VSTM4: variants seen among roughly 807,000 people sequenced by gnomAD.
VSTM4 encodes the protein V-set and transmembrane domain-containing protein 4.
VSTM4 carries 20 observed loss-of-function variants against 36.4 expected under a neutral mutation model. The ratio of observed to expected loss-of-function variants is 0.55; its 90% CI spans 0.39 to 0.80. VSTM4 has a LOEUF of 0.80. Among genes scored for constraint, VSTM4 ranks in the 30% least tolerant of loss-of-function variants. VSTM4 has a pLI of 0.00. For missense variants in VSTM4, 392 were observed against 404.5 expected, an observed-to-expected ratio of 0.97 and a Z score of 0.26; for synonymous variants, 182 against 173.9, an observed-to-expected ratio of 1.05 and a Z score of -0.37.
intron 2 of VSTM4, among the ~76,000 whole-genome samples, chr10:49,096,492 C>A (rs1461996330): frequency 6.6e-6 from 1 of 152,158 alleles, no homozygotes. Context: ...CAAATTGCTT[C>A]TATTATTAGC....
chr10:49,075,190 C>T (rs1003041164), intron 4 of VSTM4, among the ~76,000 whole-genome samples: 5 of 152,238 alleles, frequency 3.3e-5, no homozygotes, highest in Non-Finnish European at 7.3e-5. Context: ...GAGGAGGATG[C>T]CAGGTGCTTG....
chr10:49,084,108 AT>A (rs777169177), intron 3 of VSTM4, among the ~76,000 whole-genome samples: 55 of 152,210 alleles, frequency 3.6e-4, no homozygotes, highest in Non-Finnish European at 5.9e-4. Context: ...GGTTGCCTCA[AT>A]TTTACTAAAT....
rs3810952 is a variant in VSTM4, at chr10:49,019,514, C to A, written c.*136G>T. On this transcript the variant is annotated 3_prime_UTR_variant, in exon 8 of 8. Coordinates refer to ENST00000332853, the MANE Select transcript of VSTM4 (RefSeq NM_001031746.5). ...AGGCTTGTACCTCTTCAAAGGCACC[C>A]AGAATGCTGCTGAAAAGGGGCTCCC... The A allele has an allele frequency of 1.9e-5, 25 of 1,307,100 alleles. No individual in the cohort carries two copies. The highest frequency in any genetic ancestry group is 5.3e-5 in the Admixed American group (2 of 37,824). The allele number at this position is 1,307,100 out of a possible 1,614,324, so 81.0% of individuals were successfully genotyped here.
At chr10:49,064,807 A>G (rs1456796256) in intron 4 of VSTM4, 71 bp from the exon 5 acceptor site, 3 of 1,530,194 alleles carry the variant, frequency 2.0e-6, no homozygotes, top group African/African-American at 1.4e-5. Context: ...AGGAATTACA[A>G]GGAAATGCCG....
In VSTM4 at chr10:49,032,046, C is replaced by A. The variant is rs1000352860; in HGVS notation, c.838-12271G>T. ...GTCCTCCCCATTGAATACAGCCCCCCACCCCCAGCTCCCCTTGCCCTGTTC... is the reference window on the plus strand; with the variant it reads ...GTCCTCCCCATTGAATACAGCCCCCAACCCCCAGCTCCCCTTGCCCTGTTC... On this transcript the variant is annotated intron_variant, in intron 7 of 7. Coordinates refer to ENST00000332853, the MANE Select transcript of VSTM4 (RefSeq NM_001031746.5). 2.0e-5 allele frequency among the ~76,000 whole-genome samples: 3 copies of A among 152,164 alleles called. No homozygotes were observed. The South Asian group carries it at 6.2e-4, about 32-fold the overall frequency.
intron 7 of VSTM4, among the ~76,000 whole-genome samples, chr10:49,039,692 C>T (rs919819108): frequency 6.6e-6 from 1 of 152,102 alleles, no homozygotes; most frequent in African/African-American, 2.4e-5. Flanking sequence ...CATGGAAGAG[C>T]CTATCCAAGT....
chr10:49,050,110 T>C (rs1233362499), intron 5 of VSTM4, among the ~76,000 whole-genome samples: 1 of 152,190 alleles, frequency 6.6e-6, no homozygotes, highest in East Asian at 1.9e-4. Flanking sequence ...GGGTCATCTG[T>C]ATAAAGACGA....
chr10:49,091,873 C>T (rs547298579), intron 2 of VSTM4, among the ~76,000 whole-genome samples: 1 of 152,374 alleles, frequency 6.6e-6, no homozygotes, highest in South Asian at 2.1e-4. Context: ...TAAATTGCAA[C>T]TCTAGGCTAT....
chr10:49,079,872 C>G (rs1276396718), intron 3 of VSTM4, among the ~76,000 whole-genome samples: 2 of 152,136 alleles, frequency 1.3e-5, no homozygotes, highest in African/African-American at 4.8e-5. Context: ...ATTTGGTATA[C>G]TTTATGATGA....
In VSTM4 at chr10:49,077,334, G is replaced by T. The variant is rs765778444; in HGVS notation, c.527-8C>A. The T allele has an allele frequency of 2.7e-5, 44 of 1,613,890 alleles. No individual in the cohort carries two copies. The highest frequency in any genetic ancestry group is 3.6e-5 in the Non-Finnish European group (42 of 1,179,892). ...CAGCATACACATAGAGATCTGAAAG[G>T]CAAGGACAGACACGTGAGTCAGCCT... is the stretch of plus-strand genomic sequence containing the variant. On this transcript the variant is annotated splice_polypyrimidine_tract_variant and splice_region_variant and intron_variant, in intron 3 of 7. Coordinates refer to ENST00000332853, the MANE Select transcript of VSTM4 (RefSeq NM_001031746.5).
At position 49,105,213 on chromosome 10, in the gene VSTM4, CAGAG is replaced by C. The variant is rs376193769; in HGVS notation, c.457+2377_457+2380del. Reference sequence around the variant, plus strand: ...AGAGAGAGAGGGAGAGACAGAGAGACAGAGAGAGAGAGAGAGAGAGAGACAGAGA... The same window carrying C: ...AGAGAGAGAGGGAGAGACAGAGAGACAGAGAGAGAGAGAGAGAGACAGAGA... On this transcript the variant is annotated intron_variant, in intron 2 of 7. Transcript: ENST00000332853. Among the ~76,000 whole-genome samples, 563 of 117,492 alleles carry C rather than the reference CAGAG, an allele frequency of 4.8e-3. 4 individuals carry two copies. The highest frequency in any genetic ancestry group is 0.016 in the African/African-American group (493 of 30,090). 77.1% of individuals were successfully genotyped at this position (117,492 alleles called of 152,430 possible).
chr10:49,035,098 TG>T (rs1232983620), intron 7 of VSTM4, among the ~76,000 whole-genome samples: 2 of 152,086 alleles, frequency 1.3e-5, no homozygotes, highest in African/African-American at 4.8e-5. Flanking sequence ...CCATGACACC[TG>T]GGACCAGGGT....
intron 2 of VSTM4, chr10:49,103,672 TGAG>T: frequency 6.3e-7 from 1 of 1,581,448 alleles, no homozygotes; most frequent in Non-Finnish European, 8.6e-7. Flanking sequence ...GACAGGGAAA[TGAG>T]GAGAGACCAG....
rs1169540754 is a variant in VSTM4 at position 49,110,700 on chromosome 10, C to T, written c.56-2705G>A. Among the ~76,000 whole-genome samples the T allele has an allele frequency of 2.0e-5, 3 of 151,958 alleles. No individual in the cohort carries two copies. The East Asian group carries it at 5.8e-4, about 29-fold the overall frequency. ...TCTTTATAAGAAGAGGAGATAAGAA[C>T]ACAAACACCACAGAGGGAAGACCCT... On this transcript the variant is annotated intron_variant, in intron 1 of 7. Transcript: ENST00000332853.
chr10:49,071,046 C>A (rs932751873), intron 4 of VSTM4, among the ~76,000 whole-genome samples: 2 of 152,204 alleles, frequency 1.3e-5, no homozygotes, highest in Non-Finnish European at 2.9e-5. Flanking sequence ...GCTTCATCCT[C>A]ATGGAGAAGC....
chr10:49,098,095 A>C (rs958403244), intron 2 of VSTM4, among the ~76,000 whole-genome samples: 1 of 151,866 alleles, frequency 6.6e-6, no homozygotes, highest in Non-Finnish European at 1.5e-5. Context: ...TGAGCAGTGC[A>C]CCTCCCTGTT....
chr10:49,030,509 A>T (rs1843329096), intron 7 of VSTM4, among the ~76,000 whole-genome samples: 1 of 152,230 alleles, frequency 6.6e-6, no homozygotes, highest in Non-Finnish European at 1.5e-5. Flanking sequence ...CCAGGGACTG[A>T]GAGCCAGTCA....
At chr10:49,071,343 G>A (rs185161766) in intron 4 of VSTM4, among the ~76,000 whole-genome samples, 232 of 152,356 alleles carry the variant, frequency 1.5e-3, no homozygotes, top group African/African-American at 4.9e-3. Flanking sequence ...GTATGATTGA[G>A]GAACCAGAAG....
At chr10:49,040,191 G>A (rs1843498244) in intron 7 of VSTM4, among the ~76,000 whole-genome samples, 1 of 152,200 alleles carries the variant, frequency 6.6e-6, no homozygotes, top group African/African-American at 2.4e-5. Flanking sequence ...GCAGAACTTT[G>A]AAAGCAGGTT....
Sources: allele counts gnomAD v4.1 joint callset (sites outside exome capture counted in the v4.1 genomes callset), GRCh38; gene constraint gnomAD v4.1.1; transcripts MANE v1.5; gene names NCBI Gene and HGNC (gene_info 2026-07-23, HGNC 2026-07-21).